The following SLC14A2 variants were observed in gnomAD, a reference collection of about 807,000 sequenced individuals.
SLC14A2 encodes urea transporter 2.
Under a neutral mutation model 104.6 loss-of-function variants are expected in SLC14A2, and 91 were observed. That is an observed-to-expected ratio of 0.87 (90% CI 0.73 to 1.04). The LOEUF is 1.04. SLC14A2 is among the 50% of genes least tolerant of loss of function. The pLI is 0.00. For missense variants in SLC14A2, 1,189 were observed against 1,156.0 expected (o/e 1.03, Z -0.41); for synonymous variants, 476 against 466.4 (o/e 1.02, Z -0.27).
intron 1 of SLC14A2, among the ~76,000 whole-genome samples, chr18:45,238,765 G>A (rs1638696127): frequency 6.6e-6 from 1 of 152,186 alleles, no homozygotes. Flanking sequence ...TAACGGCAAT[G>A]TTGGCAGGGA....
intron 2 of SLC14A2, among the ~76,000 whole-genome samples, chr18:45,485,909 C>T (rs2087595809): frequency 1.3e-5 from 2 of 152,146 alleles, no homozygotes; most frequent in African/African-American, 4.8e-5. Context: ...GGCCCCAGAC[C>T]TGCTGTTGGC....
intron 1 of SLC14A2, among the ~76,000 whole-genome samples, chr18:45,434,625 AGGTTTACTAACTG>A (rs2086567417): frequency 2.6e-5 from 4 of 152,234 alleles, no homozygotes; most frequent in African/African-American, 9.6e-5. Context: ...AATTGTTAGC[AGGTTTACTAACTG>A]GCAGCCTGAA....
rs540747313 is a variant in SLC14A2, at chr18:45,391,662, C to T, written c.-124-91571C>T. Among the ~76,000 whole-genome samples, 148 of 152,212 alleles carry T rather than the reference C, an allele frequency of 9.7e-4. No individual in the cohort carries two copies. In the East Asian group the frequency reaches 0.01, roughly 11 times the overall value. ...ATCTCATTGTGGTTTTGATTTGCAT[C>T]TCTCTGATGGCCAGTGATGATGAGC... is the stretch of plus-strand genomic sequence containing the variant. On this transcript the variant is annotated intron_variant, in intron 1 of 20. Transcript: ENST00000586448.
chr18:45,241,788 C>A (rs1187663012), intron 1 of SLC14A2, among the ~76,000 whole-genome samples: 1 of 151,928 alleles, frequency 6.6e-6, no homozygotes, highest in African/African-American at 2.4e-5. Flanking sequence ...GGATTACAGG[C>A]ATGTACCACC....
chr18:45,613,341 T>G (rs2045004414), upstream of SLC14A2, among the ~76,000 whole-genome samples: 1 of 152,124 alleles, frequency 6.6e-6, no homozygotes, highest in African/African-American at 2.4e-5. Context: ...TATAACAGTA[T>G]GAAAACAGAC....
chr18:45,439,698 C>T (rs1284048727), intron 1 of SLC14A2, among the ~76,000 whole-genome samples: 2 of 152,158 alleles, frequency 1.3e-5, no homozygotes, highest in Non-Finnish European at 2.9e-5. Context: ...GTTTTGCCCA[C>T]ATTTGGTGGA....
At chr18:45,231,825 A>G (rs1568111829) in intron 1 of SLC14A2, among the ~76,000 whole-genome samples, 1 of 152,208 alleles carries the variant, frequency 6.6e-6, no homozygotes, top group Non-Finnish European at 1.5e-5. Flanking sequence ...AGCATCTGTA[A>G]GTGTTATGAG....
intron 2 of SLC14A2, among the ~76,000 whole-genome samples, chr18:45,505,213 C>T (rs1302212298): frequency 6.6e-6 from 1 of 152,026 alleles, no homozygotes; most frequent in Non-Finnish European, 1.5e-5. Context: ...AGTGTGCATC[C>T]AGTGTCTTAC....
At position 45,592,756 on chromosome 18, in the gene SLC14A2, G is replaced by C. The variant is rs185071458; in HGVS notation, c.-34-31875G>C. Among the ~76,000 whole-genome samples the C allele has an allele frequency of 2.5e-3, 376 of 152,342 alleles. 3 individuals are homozygous for C. Among genetic ancestry groups the C allele is most frequent in the African/African-American group, 8.8e-3 (364 of 41,586 alleles). On this transcript the variant is annotated intron_variant, in intron 2 of 20. Coordinates refer to the SLC14A2 transcript ENST00000586448. ...ACCATGGCCTAATGAGGGCCTGGGAGACCCAGTAGACAGTTCAAGTCCAGC... is the reference window on the plus strand; with the variant it reads ...ACCATGGCCTAATGAGGGCCTGGGACACCCAGTAGACAGTTCAAGTCCAGC...
intron 2 of SLC14A2, among the ~76,000 whole-genome samples, chr18:45,599,944 C>T (rs145844561): frequency 6.6e-6 from 1 of 152,192 alleles, no homozygotes; most frequent in Non-Finnish European, 1.5e-5. Flanking sequence ...GAAAGACTTG[C>T]CCCCATGAGT....
chr18:45,631,426 G>T (rs183307593), intron 4 of SLC14A2, among the ~76,000 whole-genome samples: 10 of 152,334 alleles, frequency 6.6e-5, no homozygotes, highest in Middle Eastern at 3.4e-3. Flanking sequence ...TGTTTATTAC[G>T]ATCAGGAGGA....
At chr18:45,237,036 C>G (rs547387937) in intron 1 of SLC14A2, among the ~76,000 whole-genome samples, 64 of 152,214 alleles carry the variant, frequency 4.2e-4, no homozygotes, top group South Asian at 3.5e-3. Flanking sequence ...TCGGAGGTCA[C>G]AAGTGAGGAG....
intron 8 of SLC14A2, among the ~76,000 whole-genome samples, chr18:45,641,828 G>C (rs115416407): frequency 2.0e-5 from 3 of 152,190 alleles, no homozygotes; most frequent in Non-Finnish European, 4.4e-5. Flanking sequence ...TGTACCAGGA[G>C]CACTAAAAAT....
intron 12 of SLC14A2, 42 bp from the exon 13 acceptor site, chr18:45,666,893 C>T (rs1452189359): frequency 6.4e-7 from 1 of 1,572,666 alleles, no homozygotes; most frequent in Non-Finnish European, 8.7e-7. Context: ...GTGTAAGAAC[C>T]ACCGAATGTG....
chr18:45,271,848 T>C (rs7240921), intron 1 of SLC14A2, among the ~76,000 whole-genome samples: 15,404 of 152,082 alleles, frequency 0.1, 1,682 homozygotes, highest in African/African-American at 0.25. Flanking sequence ...CAAAGCTGTC[T>C]TAAGCAAAAA....
chr18:45,393,401 C>T (rs2085993598), intron 1 of SLC14A2, among the ~76,000 whole-genome samples: 1 of 152,178 alleles, frequency 6.6e-6, no homozygotes, highest in South Asian at 2.1e-4. Context: ...CTTGTCCTCT[C>T]CAGCCCAAGT....
chr18:45,307,604 C>T (rs192973936), intron 1 of SLC14A2, among the ~76,000 whole-genome samples: 1 of 152,206 alleles, frequency 6.6e-6, no homozygotes, highest in African/African-American at 2.4e-5. Flanking sequence ...GATCTCCCTC[C>T]AGCACCCCAT....
At chr18:45,294,517 T>A (rs889703539) in intron 1 of SLC14A2, among the ~76,000 whole-genome samples, 1 of 152,244 alleles carries the variant, frequency 6.6e-6, no homozygotes, top group African/African-American at 2.4e-5. Context: ...TATACAGATA[T>A]TGTAGAATTT....
Position 45,293,307 on chromosome 18 carries a change from T to C in SLC14A2, c.-125+80116T>C, listed in dbSNP as rs1199991748. Among the ~76,000 whole-genome samples, 4 of 152,294 alleles carry C rather than the reference T, an allele frequency of 2.6e-5. No homozygotes were observed. The East Asian group carries it at 5.8e-4, about 22-fold the overall frequency. On this transcript the variant is annotated intron_variant, in intron 1 of 20. Coordinates refer to the SLC14A2 transcript ENST00000586448. The stretch of plus-strand genomic sequence containing the variant: ...TCATGTATTCATTCATAAACACTTA[T>C]TGAGTATCCATAAAGCCCATGCCAG...
Sources: gnomAD v4.1 joint callset for allele counts (sites outside exome capture counted in the v4.1 genomes callset) on GRCh38, gnomAD v4.1.1 for gene constraint, MANE v1.5 for transcripts, NCBI Gene and HGNC (gene_info 2026-07-23, HGNC 2026-07-21) for gene names.